FERRY3: variants seen among roughly 807,000 people sequenced by gnomAD.
FERRY3 encodes protein C12orf4.
the FERRY3 span, chr12:4,538,384 C>T: frequency 2.1e-4 from 33 of 155,032 alleles, no homozygotes; most frequent in South Asian, 5.8e-3. Context: ...TCTGAAAGGG[C>T]ATCCTCACTC....
the FERRY3 span, among the ~76,000 whole-genome samples, chr12:4,521,124 G>A: frequency 6.6e-6 from 1 of 152,170 alleles, no homozygotes; most frequent in Non-Finnish European, 1.5e-5. Context: ...ACTTTGGGAG[G>A]CCGAGGTGGG....
chr12:4,534,284 G>A, the FERRY3 span: 2 of 1,608,922 alleles, frequency 1.2e-6, no homozygotes, highest in Non-Finnish European at 1.7e-6. Context: ...TATAAACTGA[G>A]TCAGAGCTTC....
the FERRY3 span, among the ~76,000 whole-genome samples, chr12:4,527,833 C>T: frequency 1.3e-5 from 2 of 151,116 alleles, no homozygotes; most frequent in South Asian, 2.1e-4. Context: ...AAGGCCAAAC[C>T]CCATCAAGAA....
chr12:4,509,617 G>A, the FERRY3 span, among the ~76,000 whole-genome samples: 1 of 143,616 alleles, frequency 7.0e-6, no homozygotes, highest in Non-Finnish European at 1.5e-5. Context: ...CTAACTGGGA[G>A]GCACCCCCCG....
At chr12:4,500,217 C>T in the FERRY3 span, 8 of 1,613,896 alleles carry the variant, frequency 5.0e-6, no homozygotes, top group South Asian at 2.2e-5. Flanking sequence ...GAGTATATTT[C>T]GGAGTCCCAT....
the FERRY3 span, among the ~76,000 whole-genome samples, chr12:4,496,961 T>C: frequency 1.3e-5 from 2 of 152,190 alleles, no homozygotes; most frequent in African/African-American, 2.4e-5. Context: ...TACAACCACT[T>C]TGAAAAACTA....
At chr12:4,497,072 G>T in the FERRY3 span, among the ~76,000 whole-genome samples, 1 of 152,144 alleles carries the variant, frequency 6.6e-6, no homozygotes, top group Admixed American at 6.5e-5. Flanking sequence ...AATGTCAAAA[G>T]ATGTCTGTTG....
chr12:4,496,527 T>C, the FERRY3 span, among the ~76,000 whole-genome samples: 5 of 152,198 alleles, frequency 3.3e-5, no homozygotes, highest in Non-Finnish European at 4.4e-5. Context: ...TGAAACACTA[T>C]AGACTTTATA....
chr12:4,534,200 T>G, the FERRY3 span: 12 of 1,611,500 alleles, frequency 7.4e-6, no homozygotes, highest in Non-Finnish European at 1.0e-5. Context: ...CTGATGTAAA[T>G]CTACTTCACC....
At chr12:4,499,812 G>T in the FERRY3 span, among the ~76,000 whole-genome samples, 1 of 152,122 alleles carries the variant, frequency 6.6e-6, no homozygotes, top group South Asian at 2.1e-4. Flanking sequence ...GTAAGAAGAG[G>T]GGGTAGGGGA....
chr12:4,499,426 G>A, the FERRY3 span, among the ~76,000 whole-genome samples: 2 of 152,238 alleles, frequency 1.3e-5, 1 homozygote, highest in South Asian at 4.1e-4. Context: ...AGGCTCATTT[G>A]TTTCTCCAGA....
chr12:4,490,583 A>T, the FERRY3 span: 4 of 1,610,058 alleles, frequency 2.5e-6, no homozygotes, highest in Non-Finnish European at 3.4e-6. Context: ...CATTTCCATC[A>T]TGAAACCTAA....
the FERRY3 span, among the ~76,000 whole-genome samples, chr12:4,499,245 T>G: frequency 0.029 from 4,385 of 152,260 alleles, 185 homozygotes; most frequent in African/African-American, 0.1. Flanking sequence ...AACTCTGGGC[T>G]AAAACAATCT....
the FERRY3 span, among the ~76,000 whole-genome samples, chr12:4,522,296 A>C: frequency 6.6e-6 from 1 of 152,376 alleles, no homozygotes; most frequent in East Asian, 1.9e-4. Context: ...TATTAAGAAA[A>C]TGAAACGACA....
chr12:4,517,738 GAC>G, the FERRY3 span, among the ~76,000 whole-genome samples: 1 of 147,498 alleles, frequency 6.8e-6, no homozygotes, highest in African/African-American at 2.5e-5. Flanking sequence ...GAGAGAGAGA[GAC>G]AAATGGATGA....
At chr12:4,495,889 C>A in the FERRY3 span, among the ~76,000 whole-genome samples, 1 of 152,062 alleles carries the variant, frequency 6.6e-6, no homozygotes, top group Non-Finnish European at 1.5e-5. Flanking sequence ...GAGAATATAC[C>A]AAAATACCAA....
At chr12:4,495,174 T>C in the FERRY3 span, among the ~76,000 whole-genome samples, 14 of 141,926 alleles carry the variant, frequency 9.9e-5, no homozygotes, top group African/African-American at 4.4e-4. Flanking sequence ...TGATTCTCAT[T>C]CACGGCATCT....
At chr12:4,530,964 T>C in the FERRY3 span, among the ~76,000 whole-genome samples, 2 of 151,600 alleles carry the variant, frequency 1.3e-5, no homozygotes, top group African/African-American at 4.9e-5. Flanking sequence ...TTGCAAAAGA[T>C]ACCTGTAAAA....
chr12:4,534,323 A>C, the FERRY3 span: 4 of 1,574,626 alleles, frequency 2.5e-6, no homozygotes, highest in South Asian at 3.5e-5. Context: ...GACATCAAAC[A>C]CCATCGTCAG....
Sources: gnomAD v4.1 joint callset for allele counts (sites outside exome capture counted in the v4.1 genomes callset) on GRCh38, gnomAD v4.1.1 for gene constraint, MANE v1.5 for transcripts, NCBI Gene and HGNC (gene_info 2026-07-23, HGNC 2026-07-21) for gene names.